TANC1: variants seen among roughly 807,000 people sequenced by gnomAD.
TANC1 encodes tetratricopeptide repeat, ankyrin repeat and coiled-coil containing 1.
In TANC1, 77 loss-of-function variants were observed where a neutral mutation model predicts 149.7. The ratio of observed to expected loss-of-function variants is 0.51; its 90% CI spans 0.43 to 0.62. TANC1 has a LOEUF of 0.62. Ranked by LOEUF, TANC1 falls within the 20% of genes least tolerant of loss-of-function variation. The pLI is 0.00. For missense variants in TANC1, 1,985 were observed against 2,321.8 expected (o/e 0.85, Z 2.98); for synonymous variants, 854 against 925.0 (o/e 0.92, Z 1.39).
chr2:159,068,134 T>G (rs768861435), intron 3 of TANC1, among the ~76,000 whole-genome samples: 1 of 152,222 alleles, frequency 6.6e-6, no homozygotes, highest in Non-Finnish European at 1.5e-5. Context: ...ACAAAGCAGA[T>G]GGAATTTTAA....
intron 1 of TANC1, among the ~76,000 whole-genome samples, chr2:158,989,086 A>G (rs2035335295): frequency 6.6e-6 from 1 of 152,106 alleles, no homozygotes; most frequent in Non-Finnish European, 1.5e-5. Flanking sequence ...TGGGGGAAAT[A>G]AGCCTCACTA....
chr2:159,102,735 T>TTTA (rs1313030056), intron 4 of TANC1, among the ~76,000 whole-genome samples: 1 of 51,076 alleles, frequency 2.0e-5, no homozygotes, highest in Non-Finnish European at 5.3e-5. Context: ...TTTTTTTTTT[T>TTTA]TGAGATGGAG....
In TANC1 at chr2:159,055,871, CTTATTTATTTAT is replaced by C. The variant is rs148622577; in HGVS notation, c.-15-10010_-15-9999del. The C allele has an allele frequency of 4.1e-3, 683 of 167,240 alleles. 5 individuals carry two copies. Among genetic ancestry groups the C allele is most frequent in the African/African-American group, 0.015 (636 of 41,622 alleles). 10.4% of individuals were successfully genotyped at this position (167,240 alleles called of 1,614,324 possible). The stretch of plus-strand genomic sequence containing the variant: ...CAGAGAAGGGAATTGCACAGCATAG[CTTATTTATTTAT>C]TTATTTATTTATTTTAGCCCAAGTG... On this transcript the variant is annotated intron_variant, in intron 2 of 26. Coordinates refer to ENST00000263635, the MANE Select transcript of TANC1 (RefSeq NM_033394.3).
At chr2:159,205,772 T>G (rs1190296787) in intron 19 of TANC1, among the ~76,000 whole-genome samples, 3 of 152,204 alleles carry the variant, frequency 2.0e-5, no homozygotes, top group African/African-American at 7.2e-5. Context: ...TCAGGAAGTA[T>G]CCACCTCATT....
In TANC1 at chr2:159,108,124, T is replaced by A. The variant is rs1378297405; in HGVS notation, c.259+10290T>A. Among the ~76,000 whole-genome samples the A allele has an allele frequency of 4.6e-5, 7 of 152,264 alleles. No individual in the cohort carries two copies. The East Asian group carries it at 1.2e-3, about 25-fold the overall frequency. On this transcript the variant is annotated intron_variant, in intron 4 of 26. Transcript: ENST00000263635. The stretch of plus-strand genomic sequence containing the variant: ...ATACTAATGGACGCATAGGCAATTT[T>A]AAATGTAACAGTCCTTTACATTTAG...
At chr2:159,129,491 C>T (rs1286911087) in intron 4 of TANC1, among the ~76,000 whole-genome samples, 2 of 152,132 alleles carry the variant, frequency 1.3e-5, no homozygotes, top group African/African-American at 4.8e-5. Context: ...AGGGAGGGTT[C>T]TGGCCACATC....
At chr2:159,064,349 C>T (rs2042490812) in intron 2 of TANC1, among the ~76,000 whole-genome samples, 1 of 152,190 alleles carries the variant, frequency 6.6e-6, no homozygotes, top group African/African-American at 2.4e-5. Context: ...AAGCCATGCC[C>T]CTTCAGTATG....
At chr2:159,095,651 G>A (rs527973092) in intron 3 of TANC1, among the ~76,000 whole-genome samples, 19 of 147,122 alleles carry the variant, frequency 1.3e-4, no homozygotes, top group African/African-American at 4.0e-4. Flanking sequence ...CAGGAGAATC[G>A]CTTGAACCCA....
intron 12 of TANC1, among the ~76,000 whole-genome samples, chr2:159,175,985 G>A (rs1008196855): frequency 6.6e-6 from 1 of 152,188 alleles, no homozygotes; most frequent in Non-Finnish European, 1.5e-5. Flanking sequence ...AATCCACTGG[G>A]GAGCTCTCAT....
In TANC1 at chr2:158,991,311, C is replaced by G. The variant is rs562109512; in HGVS notation, c.-125-9769C>G. 1.4e-4 allele frequency among the ~76,000 whole-genome samples: 22 copies of G among 151,954 alleles called. No homozygotes were observed. In the South Asian group the frequency reaches 4.4e-3, roughly 30 times the overall value. On this transcript the variant is annotated intron_variant, in intron 1 of 26. Transcript: ENST00000263635. Reference sequence around the variant, plus strand: ...CATACTCATGCATTTTTACAGTGCACGGTCTGATTAAGTAAATTTTGGTAC... The same window carrying G: ...CATACTCATGCATTTTTACAGTGCAGGGTCTGATTAAGTAAATTTTGGTAC...
intron 2 of TANC1, among the ~76,000 whole-genome samples, chr2:159,061,479 A>G (rs1303144690): frequency 6.6e-6 from 1 of 152,240 alleles, no homozygotes; most frequent in Non-Finnish European, 1.5e-5. Flanking sequence ...CTGGACAAGC[A>G]GGCCTTGCTA....
intron 3 of TANC1, among the ~76,000 whole-genome samples, chr2:159,082,356 A>G (rs2044362637): frequency 1.6e-5 from 2 of 124,824 alleles, no homozygotes; most frequent in Non-Finnish European, 1.7e-5. Flanking sequence ...TTTAAAATAC[A>G]TGTTTTAAAC....
At chr2:159,214,247 T>C (rs867755502) in intron 19 of TANC1, among the ~76,000 whole-genome samples, 1 of 152,302 alleles carries the variant, frequency 6.6e-6, no homozygotes, top group Admixed American at 6.5e-5. Context: ...AAATTTGGAC[T>C]AAGCATTTGC....
chr2:159,175,218 A>C, intron 12 of TANC1, 34 bp downstream of exon 12: 58 of 1,554,808 alleles, frequency 3.7e-5, no homozygotes, highest in Non-Finnish European at 4.6e-5. Flanking sequence ...GCCCCATCTC[A>C]GTAGTGGTAC....
chr2:158,983,410 T>C lies in TANC1; in HGVS notation c.-126+14628T>C, dbSNP rs539572608. Among the ~76,000 whole-genome samples, 22 of 135,502 alleles carry C rather than the reference T, an allele frequency of 1.6e-4. No homozygotes were observed. The South Asian group carries it at 4.3e-3, about 26-fold the overall frequency. The allele number at this position is 135,502 out of a possible 152,430, so 88.9% of individuals were successfully genotyped here. ...TGAACCCGGGAGGCGGAGCTTGCAA[T>C]GAGCCGAGATCGCGCCACTGCACTC... On this transcript the variant is annotated intron_variant, in intron 1 of 26. Transcript: ENST00000263635.
At chr2:159,109,230 C>T (rs2047482420) in intron 4 of TANC1, among the ~76,000 whole-genome samples, 1 of 152,138 alleles carries the variant, frequency 6.6e-6, no homozygotes, top group African/African-American at 2.4e-5. Context: ...TCTGTCTGCC[C>T]CAGTCATGGG....
intron 3 of TANC1, among the ~76,000 whole-genome samples, chr2:159,080,366 G>A (rs1031912889): frequency 1.3e-5 from 2 of 152,216 alleles, no homozygotes; most frequent in African/African-American, 4.8e-5. Context: ...AGTAAAGGAT[G>A]TGAGACTTGT....
intron 2 of TANC1, among the ~76,000 whole-genome samples, chr2:159,029,038 G>A (rs749522385): frequency 2.6e-5 from 4 of 152,024 alleles, no homozygotes; most frequent in African/African-American, 9.7e-5. Flanking sequence ...TTACAGGTGT[G>A]AGCCACAGTG....
chr2:159,149,328 A>G lies in TANC1; in HGVS notation c.495+56A>G, dbSNP rs745339244. 3.7e-6 allele frequency: 6 copies of G among 1,609,326 alleles called. No homozygotes were observed. The African/African-American group carries it at 4.0e-5, about 11-fold the overall frequency. On this transcript the variant is annotated intron_variant, in intron 6 of 26. Transcript: ENST00000263635. ...ACCTCTTCAGAGGATGAACGAAGCA[A>G]TAACCATCTTCTCCCTTTCCTTGAG... is the stretch of plus-strand genomic sequence containing the variant.
Sources: gnomAD v4.1 joint callset for allele counts (sites outside exome capture counted in the v4.1 genomes callset) on GRCh38, gnomAD v4.1.1 for gene constraint, MANE v1.5 for transcripts, NCBI Gene and HGNC (gene_info 2026-07-23, HGNC 2026-07-21) for gene names.